Variants in TBL1X observed in about 807,000 individuals in gnomAD.
TBL1X encodes F-box-like/WD repeat-containing protein TBL1X.
Under a neutral mutation model 50.7 loss-of-function variants are expected in TBL1X, and 10 were observed. The ratio of observed to expected loss-of-function variants is 0.20; its 90% CI spans 0.12 to 0.33. The LOEUF (loss-of-function observed/expected upper bound fraction) is 0.33, where lower values mean the gene tolerates loss of function less well. Ranked by LOEUF, TBL1X falls within the 10% of genes least tolerant of loss-of-function variation. The probability of loss-of-function intolerance (pLI) is 1.00; values close to 1 mark genes in which losing one functional copy is unlikely to be tolerated. For missense variants in TBL1X, 340 were observed against 504.4 expected (o/e 0.67, Z 3.12); for synonymous variants, 190 against 214.7 (o/e 0.88, Z 1.01).
chrX:9,606,595 C>T (rs1027452572), intron 2 of TBL1X, among the ~76,000 whole-genome samples: 6 of 111,388 alleles, frequency 5.4e-5, no homozygotes, highest in Non-Finnish European at 9.4e-5. Flanking sequence ...TGGAGGATCA[C>T]TTGAGCCCAG....
chrX:9,697,232 A>G (rs1289439122), intron 11 of TBL1X, 137 bp from the exon 12 acceptor site: 6 of 777,628 alleles, frequency 7.7e-6, no homozygotes, highest in Non-Finnish European at 7.3e-6. Context: ...AAACTAGCCC[A>G]TAAGGCTCAC....
chrX:9,697,390 C>T lies in TBL1X; in HGVS notation c.1075C>T (p.His359Tyr). 1 of 1,211,086 alleles carries T rather than the reference C, an allele frequency of 8.3e-7. No individual in the cohort carries two copies. The highest frequency in any genetic ancestry group is 2.7e-4 in the Middle Eastern group (1 of 3,679). Residue 359 changes from histidine (H) to tyrosine (Y), a missense_variant, in exon 12 of 18, where the codon CAC becomes TAC. This residue lies in a region of TBL1X where 170 missense variants were observed against 272.6 expected (regional missense o/e 0.62). Coordinates refer to ENST00000645353, the MANE Select transcript of TBL1X (RefSeq NM_005647.4). ...ACAGACAACAATAATTTGGGATGCC[C>T]ACACAGGAGAAGCCAAACAGCAGTT... ...VDKTTIIWDA[H>Y]TGEAKQQFPF...
At chrX:9,713,817 G>A (rs752183007) in intron 16 of TBL1X, among the ~76,000 whole-genome samples, 2 of 109,623 alleles carry the variant, frequency 1.8e-5, no homozygotes, top group African/African-American at 3.3e-5. Flanking sequence ...TAATACTGCC[G>A]ACACACACCT....
chrX:9,698,650 G>A (rs1036017590), intron 12 of TBL1X, among the ~76,000 whole-genome samples: 4 of 110,946 alleles, frequency 3.6e-5, no homozygotes, highest in African/African-American at 1.3e-4. Flanking sequence ...GAAAGCAGGG[G>A]CACAGCATAA....
intron 1 of TBL1X, among the ~76,000 whole-genome samples, chrX:9,487,675 G>A (rs1355604006): frequency 1.8e-5 from 2 of 111,878 alleles, no homozygotes; most frequent in Admixed American, 9.5e-5. Context: ...TTTCTCTTTC[G>A]CATTTGCTGT....
intron 2 of TBL1X, among the ~76,000 whole-genome samples, chrX:9,589,989 G>A (rs148639822): frequency 4.4e-4 from 49 of 111,799 alleles, no homozygotes; most frequent in East Asian, 1.1e-3. Context: ...CCAAAAATGC[G>A]TAAGAGTCTA....
At chrX:9,697,497 C>T (rs922477312) in intron 12 of TBL1X, 68 bp downstream of exon 12, 1 of 1,187,951 alleles carries the variant, frequency 8.4e-7, no homozygotes, top group African/African-American at 1.8e-5. Context: ...TCAGGTCGAG[C>T]CCAGTGGCTT....
intron 2 of TBL1X, among the ~76,000 whole-genome samples, chrX:9,576,280 GTC>G (rs1173999028): frequency 2.7e-5 from 3 of 112,232 alleles, no homozygotes; most frequent in Non-Finnish European, 5.6e-5. Flanking sequence ...ACGTCAGTGT[GTC>G]TCTGCATTTG....
chrX:9,517,601 C>T (rs995415716), intron 2 of TBL1X, among the ~76,000 whole-genome samples: 1 of 112,067 alleles, frequency 8.9e-6, no homozygotes, highest in African/African-American at 3.2e-5. Context: ...AACTGCAGAT[C>T]TGCAAGCTGA....
intron 1 of TBL1X, among the ~76,000 whole-genome samples, chrX:9,475,363 A>C (rs1025055408): frequency 4.5e-5 from 5 of 110,218 alleles, no homozygotes; most frequent in African/African-American, 1.7e-4. Context: ...CTGCCTCAGC[A>C]TCCCGAGTAG....
chrX:9,684,320 C>T, intron 6 of TBL1X, 132 bp downstream of exon 6: 1 of 925,507 alleles, frequency 1.1e-6, no homozygotes, highest in African/African-American at 2.0e-5. Flanking sequence ...TGCAGTGGCT[C>T]ATGCCTGTAA....
intron 6 of TBL1X, among the ~76,000 whole-genome samples, chrX:9,686,083 G>A: frequency 9.0e-6 from 1 of 111,266 alleles, no homozygotes; most frequent in South Asian, 3.8e-4. Context: ...CGAAACTCCG[G>A]TGTTTTTTCC....
intron 2 of TBL1X, among the ~76,000 whole-genome samples, chrX:9,533,792 G>T (rs776331837): frequency 2.8e-4 from 31 of 111,666 alleles, no homozygotes; most frequent in African/African-American, 9.8e-4. Context: ...TGGGTGTGCT[G>T]CTCCGGGCTC....
rs145539549 is a variant in TBL1X, at chrX:9,600,151, G to T, written c.-130-40122G>T. Among the ~76,000 whole-genome samples, 6 of 111,281 alleles carry T rather than the reference G, an allele frequency of 5.4e-5. No homozygotes were observed. In the East Asian group the frequency reaches 1.4e-3, roughly 26 times the overall value. On this transcript the variant is annotated intron_variant, in intron 2 of 17. Transcript: ENST00000645353. ...CTGGCAAGACGTCTTAGTCTGATCC[G>T]GCTGCTGTAACAAAATACCGTAGAC...
chrX:9,577,080 A>T (rs777541176), intron 2 of TBL1X, among the ~76,000 whole-genome samples: 1 of 111,744 alleles, frequency 8.9e-6, no homozygotes, highest in Non-Finnish European at 1.9e-5. Flanking sequence ...GGCCTCAATG[A>T]TGAAATGTGC....
chrX:9,713,225 C>T (rs888862851), intron 16 of TBL1X, among the ~76,000 whole-genome samples: 12 of 110,861 alleles, frequency 1.1e-4, no homozygotes, highest in Admixed American at 4.8e-4. Context: ...GATAGCTCTC[C>T]GGGAAGCACG....
intron 1 of TBL1X, 149 bp downstream of exon 1, chrX:9,465,596 C>T (rs1207935810): frequency 8.9e-6 from 1 of 112,352 alleles, no homozygotes; most frequent in African/African-American, 3.2e-5. Context: ...GTGCAGGTCG[C>T]CAACTGTCCC....
chrX:9,671,683 C>G (rs1391305319), intron 5 of TBL1X, among the ~76,000 whole-genome samples: 1 of 112,658 alleles, frequency 8.9e-6, no homozygotes, highest in Non-Finnish European at 1.9e-5. Flanking sequence ...CCTCCTCCAC[C>G]AAGTATGTCC....
intron 1 of TBL1X, among the ~76,000 whole-genome samples, chrX:9,498,160 T>A (rs984715413): frequency 8.9e-6 from 1 of 112,123 alleles, no homozygotes; most frequent in Non-Finnish European, 1.9e-5. Flanking sequence ...CTGGGTCGCT[T>A]CAATAACATG....
Sources: allele counts gnomAD v4.1 joint callset (sites outside exome capture counted in the v4.1 genomes callset), GRCh38; gene constraint gnomAD v4.1.1; regional missense constraint gnomAD v4.1.1; transcripts MANE v1.5; gene names NCBI Gene and HGNC (gene_info 2026-07-23, HGNC 2026-07-21).